LRRK2: variants seen among roughly 807,000 people sequenced by gnomAD.
The protein encoded by LRRK2 is leucine-rich repeat serine/threonine-protein kinase 2.
A neutral mutation model predicts 302.6 loss-of-function variants in LRRK2; 203 were observed. That is an observed-to-expected ratio of 0.67 (90% CI 0.60 to 0.75). LRRK2 has a LOEUF of 0.75. LRRK2 is among the 30% of genes least tolerant of loss of function. LRRK2 has a pLI of 0.00. For synonymous variants in LRRK2, 1,066 were observed against 1,031.9 expected, an observed-to-expected ratio of 1.03 and a Z score of -0.63; for missense variants, 2,830 against 2,951.0, an observed-to-expected ratio of 0.96 and a Z score of 0.95.
rs1943376029 is a variant in LRRK2, at chr12:40,274,719, A to T, written c.1793A>T (p.Asp598Val). 1 of 1,614,070 alleles carries T rather than the reference A, an allele frequency of 6.2e-7. No homozygotes were observed. Among genetic ancestry groups the T allele is most frequent in the Non-Finnish European group, 8.5e-7 (1 of 1,179,956 alleles). Residue 598 changes from aspartate to valine, a missense_variant, in exon 15 of 51, where the codon GAT becomes GTT. Around this residue, in one of 3 missense-constraint regions of LRRK2, gnomAD observed 2,121 missense variants for 2,148.0 expected, o/e 0.99. Transcript: ENST00000298910. ...CTTCACACACTGCAGATGTATCCAG[A>T]TGACCAAGGTCAGTACAATTTGAAT... Reference protein sequence around the residue: ...SVLHTLQMYPDDQEIQCLGLS... With the variant: ...SVLHTLQMYPVDQEIQCLGLS...
At chr12:40,226,850 T>G (rs565293422) in intron 2 of LRRK2, among the ~76,000 whole-genome samples, 1 of 152,200 alleles carries the variant, frequency 6.6e-6, no homozygotes, top group East Asian at 1.9e-4. Context: ...CTTACTTGTC[T>G]CTGCTTTGGT....
chr12:40,244,032 A>T (rs946690785), intron 7 of LRRK2, among the ~76,000 whole-genome samples: 8 of 152,114 alleles, frequency 5.3e-5, no homozygotes, highest in Admixed American at 4.6e-4. Flanking sequence ...ATACAAAAAT[A>T]TGCATAACAT....
chr12:40,225,957 G>A (rs545177721), intron 2 of LRRK2, among the ~76,000 whole-genome samples: 48 of 152,240 alleles, frequency 3.2e-4, no homozygotes, highest in Non-Finnish European at 8.8e-5. Context: ...TTAGTGTTTA[G>A]ACTTGACTAT....
intron 40 of LRRK2, among the ~76,000 whole-genome samples, chr12:40,339,493 CTT>C (rs1355914267): frequency 6.6e-6 from 1 of 152,136 alleles, no homozygotes; most frequent in Non-Finnish European, 1.5e-5. Flanking sequence ...TATTAACTAT[CTT>C]TTACTCTTTG....
chr12:40,227,487 C>T (rs922161075), intron 2 of LRRK2, among the ~76,000 whole-genome samples: 117 of 152,254 alleles, frequency 7.7e-4, no homozygotes, highest in African/African-American at 2.6e-3. Context: ...CTCTGGTAAC[C>T]ACCATTCTAC....
rs115480580 is a variant in LRRK2, at chr12:40,286,662, A to G, written c.2501-689A>G. ...CACTGGATATTGTACTACATGATAC[A>G]GCAGTATCATGTAGTAATATTTGAA... On this transcript the variant is annotated intron_variant, in intron 19 of 50. Coordinates refer to ENST00000298910, the MANE Select transcript of LRRK2 (RefSeq NM_198578.4). The G allele has an allele frequency of 1.3e-3, 193 of 152,700 alleles. 3 individuals carry two copies. The highest frequency in any genetic ancestry group is 4.5e-3 in the African/African-American group (186 of 41,534). 9.5% of individuals were successfully genotyped at this position (152,700 alleles called of 1,614,324 possible). A position where few individuals can be genotyped will look rare whatever the true frequency, so the allele number is the denominator to read the frequency against.
At chr12:40,356,215 A>C in intron 46 of LRRK2, 28 bp downstream of exon 46, 1 of 1,505,636 alleles carries the variant, frequency 6.6e-7, no homozygotes, top group Non-Finnish European at 9.2e-7. Context: ...TCTACATCTA[A>C]ATTTATTTTA....
intron 44 of LRRK2, among the ~76,000 whole-genome samples, chr12:40,352,469 C>CT (rs1307806388): frequency 0.17 from 17,917 of 104,620 alleles, 2,781 homozygotes; most frequent in African/African-American, 0.41. Flanking sequence ...GTTAAACAAT[C>CT]TTTTTTTTTT....
At chr12:40,228,985 C>T (rs1279317496) in intron 2 of LRRK2, among the ~76,000 whole-genome samples, 2 of 152,168 alleles carry the variant, frequency 1.3e-5, no homozygotes, top group Non-Finnish European at 2.9e-5. Context: ...ATCATACAAT[C>T]TACTAGCTGC....
intron 25 of LRRK2, among the ~76,000 whole-genome samples, chr12:40,301,386 A>T (rs17519950): frequency 0.026 from 3,882 of 152,146 alleles, 182 homozygotes; most frequent in African/African-American, 0.086. Context: ...ATCAGGCCAC[A>T]GCACTCCAGC....
intron 47 of LRRK2, 121 bp from the exon 48 acceptor site, chr12:40,363,281 T>C (rs955105564): frequency 4.9e-6 from 4 of 815,574 alleles, no homozygotes; most frequent in African/African-American, 1.8e-5. Context: ...TGCAATAGTC[T>C]AGCTTGTTTA....
intron 1 of LRRK2, 51 bp downstream of exon 1, chr12:40,225,333 C>A: frequency 6.2e-7 from 1 of 1,600,544 alleles, no homozygotes; most frequent in Non-Finnish European, 8.5e-7. Context: ...CTTTCTCCCC[C>A]TCCTTACATT....
At position 40,238,054 on chromosome 12, in the gene LRRK2, T is replaced by G. The variant is rs987823729; in HGVS notation, c.522T>G (p.Asp174Glu). The G allele has an allele frequency of 6.2e-7, 1 of 1,613,662 alleles. No individual in the cohort carries two copies. Among genetic ancestry groups the G allele is most frequent in the African/African-American group, 1.3e-5 (1 of 74,922 alleles). ...FDAMHSFPAN[D>E]EVQKLGCKAL... ...CCATGCACTCATTTCCAGCCAATGA[T>G]GAAGTCCAGAAACTTGGATGCAAAG... is the stretch of plus-strand genomic sequence containing the variant. Residue 174 changes from aspartate (D) to glutamate (E), a missense_variant, in exon 5 of 51, where the codon GAT (aspartate) becomes GAG (glutamate). By Grantham distance (45) the Asp-to-Glu change is conservative (BLOSUM62 2). Transcript: ENST00000298910.
At chr12:40,338,665 A>T (rs936409874) in intron 40 of LRRK2, among the ~76,000 whole-genome samples, 1 of 152,204 alleles carries the variant, frequency 6.6e-6, no homozygotes, top group Non-Finnish European at 1.5e-5. Flanking sequence ...ACTAACCAAG[A>T]TATTATCTCT....
In LRRK2 at chr12:40,322,121, G is replaced by A. The variant is rs1176734347; in HGVS notation, c.5257G>A (p.Glu1753Lys). The A allele has an allele frequency of 3.1e-6, 5 of 1,612,946 alleles. No homozygotes were observed. In the South Asian group the frequency reaches 4.4e-5, roughly 14 times the overall value. The change falls in exon 36 of 51, where the codon GAA (glutamate) becomes AAA (lysine). Residue 1753 changes from glutamate (E) to lysine (K), a missense_variant. Physicochemically the swap from Glu to Lys is moderately conservative, Grantham distance 56. This residue lies in a region of LRRK2 where 2,121 missense variants were observed against 2,148.0 expected (regional missense o/e 0.99). Transcript: ENST00000298910. Reference sequence around the variant, plus strand: ...TGAAGCTTATTGTCTGGTAGGATCTGAAGTCTTAGACAATCATCCAGAGAG... The same window carrying A: ...TGAAGCTTATTGTCTGGTAGGATCTAAAGTCTTAGACAATCATCCAGAGAG... The part of the protein sequence containing the change: ...SPEAYCLVGS[E>K]VLDNHPESFL...
chr12:40,296,124 T>C (rs1300729651), intron 23 of LRRK2, among the ~76,000 whole-genome samples: 1 of 152,206 alleles, frequency 6.6e-6, no homozygotes, highest in East Asian at 1.9e-4. Flanking sequence ...AGTTTTTTTT[T>C]CAGTTTAAAA....
chr12:40,353,724 G>A (rs1946440753), intron 44 of LRRK2, among the ~76,000 whole-genome samples: 1 of 152,258 alleles, frequency 6.6e-6, no homozygotes, highest in African/African-American at 2.4e-5. Flanking sequence ...GACTCCGTCT[G>A]CAATCCCGGC....
intron 48 of LRRK2, among the ~76,000 whole-genome samples, chr12:40,363,839 T>C (rs1423806687): frequency 4.6e-5 from 7 of 152,076 alleles, no homozygotes; most frequent in Non-Finnish European, 1.0e-4. Context: ...TTGGAGTCTC[T>C]GCTAGCTTTG....
chr12:40,305,873 G>A lies in LRRK2; in HGVS notation c.3866G>A (p.Gly1289Glu). 2 of 1,613,386 alleles carry A rather than the reference G, an allele frequency of 1.2e-6. No homozygotes were observed. Among genetic ancestry groups the A allele is most frequent in the Non-Finnish European group, 1.7e-6 (2 of 1,179,604 alleles). The change falls in exon 28 of 51, where the codon GGG becomes GAG. Residue 1289 changes from glycine (G) to glutamate (E), a missense_variant. Physicochemically the swap from Gly to Glu is moderately conservative, Grantham distance 98 (BLOSUM62 -2). This residue lies in a region of LRRK2 where 2,121 missense variants were observed against 2,148.0 expected (regional missense o/e 0.99). Coordinates refer to ENST00000298910, the MANE Select transcript of LRRK2 (RefSeq NM_198578.4). ...CTAAGATCCTTTCCCAATGAAATGG[G>A]GAAATTAAGCAAAATATGGGATCTT... ...LELRSFPNEM[G>E]KLSKIWDLPL...
Sources: gnomAD v4.1 joint callset for allele counts (sites outside exome capture counted in the v4.1 genomes callset) on GRCh38, gnomAD v4.1.1 for gene constraint, gnomAD v4.1.1 regional missense constraint, MANE v1.5 for transcripts, NCBI Gene and HGNC (gene_info 2026-07-23, HGNC 2026-07-21) for gene names.